Variants in CDK5RAP2 observed in about 807,000 individuals in gnomAD.
The protein encoded by CDK5RAP2 is CDK5 regulatory subunit associated protein 2.
CDK5RAP2 carries 147 observed loss-of-function variants against 232.9 expected under a neutral mutation model. The observed-to-expected ratio is 0.63, with a 90% confidence interval of 0.55 to 0.72. The LOEUF is 0.72. Among genes scored for constraint, CDK5RAP2 ranks in the 30% least tolerant of loss-of-function variants. The pLI is 0.00. For synonymous variants in CDK5RAP2, 833 were observed against 833.7 expected, an observed-to-expected ratio of 1.00 and a Z score of 0.01; for missense variants, 2,195 against 2,231.5, an observed-to-expected ratio of 0.98 and a Z score of 0.33.
chr9:120,408,143 G>C (rs1017348954), intron 31 of CDK5RAP2: 11 of 646,848 alleles, frequency 1.7e-5, no homozygotes, highest in Non-Finnish European at 2.8e-5. Context: ...GGCTGGCCTG[G>C]GTGCTGAGCC....
At chr9:120,423,965 C>T (rs914505897) in intron 25 of CDK5RAP2, among the ~76,000 whole-genome samples, 5 of 152,178 alleles carry the variant, frequency 3.3e-5, no homozygotes, top group African/African-American at 9.7e-5. Context: ...GTGCAACATG[C>T]TAAGTGGTAG....
At position 120,578,856 on chromosome 9, in the gene CDK5RAP2, C is replaced by T. The variant is rs76227139; in HGVS notation, c.59+1064G>A. Among the ~76,000 whole-genome samples, 59 of 152,270 alleles carry T rather than the reference C, an allele frequency of 3.9e-4. No homozygotes were observed. The East Asian group carries it at 0.011, about 29-fold the overall frequency. On this transcript the variant is annotated intron_variant, in intron 1 of 37. Coordinates refer to ENST00000349780, the MANE Select transcript of CDK5RAP2 (RefSeq NM_018249.6). ...GGCTAGGATTACACAGGTGAGCCAC[C>T]GCACCTGGCTCTTTTCACTCTTAAG...
chr9:120,423,649 G>A (rs2034704623), intron 25 of CDK5RAP2, among the ~76,000 whole-genome samples: 1 of 152,156 alleles, frequency 6.6e-6, no homozygotes, highest in Non-Finnish European at 1.5e-5. Context: ...TCAGAACCCT[G>A]GAAATTGCAG....
At chr9:120,406,556 G>A (rs2033457149) in intron 32 of CDK5RAP2, 1 of 174,440 alleles carries the variant, frequency 5.7e-6, no homozygotes, top group African/African-American at 2.4e-5. Context: ...GCCTCTCCAG[G>A]GCTAGGCAAT....
chr9:120,424,596 A>G (rs977349128), intron 25 of CDK5RAP2, among the ~76,000 whole-genome samples: 1 of 152,214 alleles, frequency 6.6e-6, no homozygotes, highest in African/African-American at 2.4e-5. Flanking sequence ...GACCCTGAGA[A>G]TGGACCATCA....
chr9:120,460,622 C>T lies in CDK5RAP2; in HGVS notation c.2152G>A (p.Asp718Asn). The change falls in exon 19 of 38, where the codon GAT (aspartate) becomes AAT (asparagine). Residue 718 changes from aspartate (D) to asparagine (N), a missense_variant. By Grantham distance (23) the Asp-to-Asn change is conservative. Coordinates refer to ENST00000349780, the MANE Select transcript of CDK5RAP2 (RefSeq NM_018249.6). The stretch of plus-strand genomic sequence containing the variant: ...TCACTCAGGAAATTAATCTCGTCAT[C>T]CTCCCCAATTTTGATCGTGTCCTCG... ...EDEDTIKIGE[D>N]DEINFLSDQH... 4 of 1,614,164 alleles carry T rather than the reference C, an allele frequency of 2.5e-6. No homozygotes were observed. The highest frequency in any genetic ancestry group is 3.4e-6 in the Non-Finnish European group (4 of 1,180,012).
At chr9:120,412,409 G>A (rs984848382) in intron 28 of CDK5RAP2, among the ~76,000 whole-genome samples, 3 of 152,210 alleles carry the variant, frequency 2.0e-5, no homozygotes, top group Non-Finnish European at 4.4e-5. Flanking sequence ...TGAGGACATG[G>A]TCACGTGCCA....
chr9:120,476,540 G>T (rs1011395408), intron 15 of CDK5RAP2, among the ~76,000 whole-genome samples: 1 of 152,018 alleles, frequency 6.6e-6, no homozygotes. Context: ...TTAGCCGGGC[G>T]TGGTGGTATG....
intron 25 of CDK5RAP2, among the ~76,000 whole-genome samples, chr9:120,434,609 A>G (rs1349559359): frequency 6.6e-6 from 1 of 152,164 alleles, no homozygotes; most frequent in African/African-American, 2.4e-5. Context: ...AAGCGGTGGC[A>G]GCAATAATTG....
At chr9:120,432,423 T>C (rs2035336550) in intron 25 of CDK5RAP2, among the ~76,000 whole-genome samples, 1 of 152,220 alleles carries the variant, frequency 6.6e-6, no homozygotes, top group African/African-American at 2.4e-5. Context: ...TATTGCTTTG[T>C]ATTAATTTTT....
intron 29 of CDK5RAP2, 27 bp from the exon 30 acceptor site, chr9:120,409,343 GA>G: frequency 6.6e-7 from 1 of 1,522,094 alleles, no homozygotes; most frequent in Non-Finnish European, 8.9e-7. Context: ...GTGCCACTGA[GA>G]AGGGCCACCA....
At chr9:120,437,081 A>G (rs2035626642) in intron 25 of CDK5RAP2, among the ~76,000 whole-genome samples, 1 of 152,156 alleles carries the variant, frequency 6.6e-6, no homozygotes, top group Non-Finnish European at 1.5e-5. Flanking sequence ...TGAGGCGTCT[A>G]AACTGGACTC....
At chr9:120,487,177 C>T (rs2038656227) in intron 14 of CDK5RAP2, 117 bp downstream of exon 14, 1 of 1,096,142 alleles carries the variant, frequency 9.1e-7, no homozygotes. Flanking sequence ...CTGTTGTAGG[C>T]TCAGTTACCA....
At position 120,550,778 on chromosome 9, in the gene CDK5RAP2, A is replaced by T. The variant is rs780624360; in HGVS notation, c.306+14T>A. The T allele has an allele frequency of 7.1e-7, 1 of 1,402,242 alleles. No individual in the cohort carries two copies. The highest frequency in any genetic ancestry group is 2.3e-5 in the East Asian group (1 of 43,886). 86.9% of individuals were successfully genotyped at this position (1,402,242 alleles called of 1,614,324 possible). ...AAGGACACAAGGGACAGTAATGAGAAATGGGCCACTCACAGTTTTGTAGAT... is the reference window on the plus strand; with the variant it reads ...AAGGACACAAGGGACAGTAATGAGATATGGGCCACTCACAGTTTTGTAGAT... On this transcript the variant is annotated intron_variant, in intron 4 of 37. Coordinates refer to ENST00000349780, the MANE Select transcript of CDK5RAP2 (RefSeq NM_018249.6).
intron 23 of CDK5RAP2, 24 bp downstream of exon 23, chr9:120,443,596 T>A: frequency 6.2e-7 from 1 of 1,613,750 alleles, no homozygotes; most frequent in Non-Finnish European, 8.5e-7. Flanking sequence ...AGCTGTTCAA[T>A]ACACACAGGG....
intron 3 of CDK5RAP2, among the ~76,000 whole-genome samples, chr9:120,563,576 G>C (rs2042537997): frequency 6.6e-6 from 1 of 152,134 alleles, no homozygotes; most frequent in South Asian, 2.1e-4. Context: ...ATTAATAACT[G>C]AAGGAAAGAT....
chr9:120,521,166 A>T (rs1172894142), intron 11 of CDK5RAP2, among the ~76,000 whole-genome samples: 1 of 152,232 alleles, frequency 6.6e-6, no homozygotes, highest in African/African-American at 2.4e-5. Flanking sequence ...AAGAATTTGA[A>T]AAACAGACCA....
intron 36 of CDK5RAP2, among the ~76,000 whole-genome samples, chr9:120,393,360 T>C (rs959442407): frequency 6.6e-6 from 1 of 152,188 alleles, no homozygotes. Context: ...TGCGCTCCTC[T>C]CTTTTGCAGT....
intron 10 of CDK5RAP2, among the ~76,000 whole-genome samples, chr9:120,525,749 T>C (rs532563181): frequency 6.6e-6 from 1 of 152,204 alleles, no homozygotes; most frequent in East Asian, 1.9e-4. Context: ...CCCAAGTAGC[T>C]GGGACCACAG....
Sources: gnomAD v4.1 joint callset for allele counts (sites outside exome capture counted in the v4.1 genomes callset) on GRCh38, gnomAD v4.1.1 for gene constraint, MANE v1.5 for transcripts, NCBI Gene and HGNC (gene_info 2026-07-23, HGNC 2026-07-21) for gene names.